Variants in HSP90AA1 observed in about 807,000 individuals in gnomAD.
HSP90AA1 encodes heat shock protein 90 alpha family class A member 1, also known as heat shock protein HSP 90-alpha.
A neutral mutation model predicts 73.3 loss-of-function variants in HSP90AA1; 18 were observed. The observed-to-expected ratio is 0.25, with a 90% CI of 0.17 to 0.36. The LOEUF is 0.36. Among genes scored for constraint, HSP90AA1 ranks in the 10% least tolerant of loss-of-function variants. HSP90AA1 has a pLI of 1.00. For synonymous variants in HSP90AA1, 477 were observed against 296.9 expected (o/e 1.61, Z -6.24); for missense variants, 704 against 874.2 (o/e 0.81, Z 2.45).
intron 1 of HSP90AA1, among the ~76,000 whole-genome samples, chr14:102,134,834 G>A (rs1159504488): frequency 6.6e-6 from 1 of 152,156 alleles, no homozygotes; most frequent in Non-Finnish European, 1.5e-5. Context: ...ACCCGAGCGG[G>A]TTGCCAATGC....
At chr14:102,139,551 C>T (rs1868573518) in exon 1 of HSP90AA1, 2 of 848,088 alleles carry the variant, frequency 2.4e-6, no homozygotes, top group Admixed American at 2.9e-5. Context: ...ACCTCAGGCT[C>T]ATGACACCAG....
At chr14:102,117,491 A>G (rs917669136) in intron 1 of HSP90AA1, among the ~76,000 whole-genome samples, 1 of 152,124 alleles carries the variant, frequency 6.6e-6, no homozygotes, top group East Asian at 1.9e-4. Flanking sequence ...CCTCCACGCT[A>G]GGAGCTAAAC....
chr14:102,085,468 C>A (rs779656828), intron 3 of HSP90AA1, 37 bp from the exon 4 acceptor site: 8 of 1,257,054 alleles, frequency 6.4e-6, no homozygotes, highest in Admixed American at 1.9e-5. Context: ...TTAATACATT[C>A]AATTTAGTGC....
chr14:102,082,491 A>C (rs1217130778), intron 9 of HSP90AA1, 47 bp from the exon 10 acceptor site: 26 of 1,462,148 alleles, frequency 1.8e-5, no homozygotes, highest in Non-Finnish European at 2.5e-5. Context: ...ATTAATTCCT[A>C]AACTTTCATT....
intron 2 of HSP90AA1, 25 bp downstream of exon 2, chr14:102,086,192 G>A (rs1489944120): frequency 4.3e-6 from 7 of 1,614,114 alleles, no homozygotes; most frequent in Middle Eastern, 1.7e-4. Flanking sequence ...ACCAAAATCC[G>A]ATTCTGGGTT....
chr14:102,134,667 C>G (rs1329156958), intron 1 of HSP90AA1, among the ~76,000 whole-genome samples: 2 of 152,032 alleles, frequency 1.3e-5, no homozygotes, highest in Admixed American at 6.6e-5. Flanking sequence ...GTTCGTTCCT[C>G]CCGGTGGGCT....
At chr14:102,131,017 C>A (rs757772222) in intron 1 of HSP90AA1, among the ~76,000 whole-genome samples, 6 of 152,230 alleles carry the variant, frequency 3.9e-5, no homozygotes, top group Non-Finnish European at 7.3e-5. Flanking sequence ...CCATGCCCAG[C>A]CTATCCAGGC....
rs1020634331 is a variant in HSP90AA1 at position 102,081,482 on chromosome 14, A to G, written c.*230T>C. The G allele has an allele frequency of 7.7e-5, 45 of 586,504 alleles. No individual in the cohort carries two copies. Among genetic ancestry groups the G allele is most frequent in the East Asian group, 5.1e-4 (18 of 35,268 alleles). The allele number at this position is 586,504 out of a possible 1,614,324, so 36.3% of individuals were successfully genotyped here. ...ACGTCTTACAGTGCACGTTACCCCA[A>G]TCTGTGAAAATAAACCAACATGAAA... On this transcript the variant is annotated 3_prime_UTR_variant, in exon 11 of 11. Transcript: ENST00000216281.
chr14:102,100,305 G>A (rs7493672), intron 2 of HSP90AA1, among the ~76,000 whole-genome samples: 2,518 of 152,216 alleles, frequency 0.017, 74 homozygotes, highest in African/African-American at 0.058. Context: ...TGTTAGGAGC[G>A]TCAGGCTCAC....
At chr14:102,096,467 A>G (rs924330728) in intron 2 of HSP90AA1, among the ~76,000 whole-genome samples, 5 of 152,056 alleles carry the variant, frequency 3.3e-5, no homozygotes, top group African/African-American at 1.2e-4. Flanking sequence ...TCATCTCTTC[A>G]TGCTGGGTTG....
At chr14:102,139,676 A>G in exon 1 of HSP90AA1, 2 of 656,404 alleles carry the variant, frequency 3.0e-6, no homozygotes, top group East Asian at 2.7e-5. Flanking sequence ...TGCCGCCCGG[A>G]GGCCACACCC....
intron 1 of HSP90AA1, among the ~76,000 whole-genome samples, chr14:102,111,835 G>A (rs1051458461): frequency 2.0e-5 from 3 of 152,320 alleles, no homozygotes; most frequent in Admixed American, 2.0e-4. Flanking sequence ...GATACATCAA[G>A]ATAGCATAAA....
intron 1 of HSP90AA1, among the ~76,000 whole-genome samples, chr14:102,137,347 A>G (rs1249206416): frequency 6.6e-6 from 1 of 150,998 alleles, no homozygotes; most frequent in East Asian, 2.0e-4. Flanking sequence ...ATTTCCTGAG[A>G]TGGAGTCTCG....
At chr14:102,091,002 C>A (rs189924388), upstream of HSP90AA1, among the ~76,000 whole-genome samples, 8 of 152,298 alleles carry the variant, frequency 5.3e-5, no homozygotes, top group African/African-American at 1.7e-4. Context: ...GCATCCAGTT[C>A]AGTATCTGTA....
intron 8 of HSP90AA1, 91 bp from the exon 9 acceptor site, chr14:102,083,393 C>G (rs2049142238): frequency 2.0e-6 from 3 of 1,486,638 alleles, no homozygotes; most frequent in East Asian, 4.5e-5. Context: ...GATACCTAGG[C>G]AGAACCTAAG....
intron 1 of HSP90AA1, among the ~76,000 whole-genome samples, chr14:102,105,742 G>C (rs1051185573): frequency 6.6e-6 from 1 of 152,124 alleles, no homozygotes; most frequent in Non-Finnish European, 1.5e-5. Flanking sequence ...GTTTGGATTT[G>C]AGGGTCACAA....
upstream of HSP90AA1, chr14:102,139,719 G>T (rs762043809): frequency 5.8e-5 from 45 of 774,506 alleles, no homozygotes; most frequent in Middle Eastern, 3.8e-4. Flanking sequence ...CAGTCGGGTG[G>T]AGCACGCCAG....
chr14:102,084,276 C>G (rs2049169229), intron 6 of HSP90AA1, 123 bp downstream of exon 6: 1 of 889,786 alleles, frequency 1.1e-6, no homozygotes, highest in African/African-American at 1.6e-5. Flanking sequence ...GAACTCCTGA[C>G]CTCAAGTGAT....
chr14:102,087,522 G>A (rs953935810), upstream of HSP90AA1, among the ~76,000 whole-genome samples: 36 of 152,024 alleles, frequency 2.4e-4, no homozygotes, highest in Admixed American at 6.5e-4. Context: ...GACGGAGAGC[G>A]GCCCGGGTCT....
Sources: allele counts gnomAD v4.1 joint callset (sites outside exome capture counted in the v4.1 genomes callset), GRCh38; gene constraint gnomAD v4.1.1; transcripts MANE v1.5; gene names NCBI Gene and HGNC (gene_info 2026-07-23, HGNC 2026-07-21).